MYO5A: variants seen among roughly 807,000 people sequenced by gnomAD.
MYO5A encodes the protein myosin VA, also known as unconventional myosin-Va.
MYO5A carries 98 observed loss-of-function variants against 249.7 expected under a neutral mutation model. The ratio of observed to expected loss-of-function variants is 0.39; its 90% CI spans 0.33 to 0.46. The LOEUF (loss-of-function observed/expected upper bound fraction) is 0.46, where lower values mean the gene tolerates loss of function less well. MYO5A is among the 20% of genes least tolerant of loss of function. The pLI is 0.98. For missense variants in MYO5A, 1,696 were observed against 2,308.8 expected (o/e 0.73, Z 5.44); for synonymous variants, 778 against 810.6 (o/e 0.96, Z 0.68).
chr15:52,467,240 C>T (rs1408240832), intron 1 of MYO5A, among the ~76,000 whole-genome samples: 1 of 152,042 alleles, frequency 6.6e-6, no homozygotes, highest in African/African-American at 2.4e-5. Context: ...TAAAGAAGCT[C>T]AATGAGATGC....
intron 1 of MYO5A, among the ~76,000 whole-genome samples, chr15:52,463,936 A>C (rs1249709759): frequency 1.3e-5 from 2 of 152,218 alleles, no homozygotes; most frequent in Non-Finnish European, 1.5e-5. Flanking sequence ...TCCCTTACTT[A>C]CAAAATAAAC....
At chr15:52,360,400 G>A (rs982434001) in intron 24 of MYO5A, among the ~76,000 whole-genome samples, 3 of 152,224 alleles carry the variant, frequency 2.0e-5, no homozygotes, top group Non-Finnish European at 4.4e-5. Flanking sequence ...AGTGCTCAGT[G>A]AAGCACTGGG....
At chr15:52,395,685 C>G (rs1054980278) in intron 11 of MYO5A, among the ~76,000 whole-genome samples, 1 of 152,278 alleles carries the variant, frequency 6.6e-6, no homozygotes, top group Middle Eastern at 3.4e-3. Context: ...TGCCCAAGGT[C>G]TCCTAGATAA....
chr15:52,382,900 C>G (rs2041816841), intron 16 of MYO5A, among the ~76,000 whole-genome samples, 191 bp downstream of exon 16: 1 of 152,200 alleles, frequency 6.6e-6, no homozygotes, highest in Non-Finnish European at 1.5e-5. Flanking sequence ...CTAATTTACT[C>G]TCACATTCTC....
chr15:52,489,234 C>T (rs1184080128), intron 1 of MYO5A, among the ~76,000 whole-genome samples: 1 of 152,112 alleles, frequency 6.6e-6, no homozygotes, highest in Non-Finnish European at 1.5e-5. Context: ...ACACCAGGAG[C>T]ACAGGCAATA....
chr15:52,488,062 G>A (rs770689864), intron 1 of MYO5A, among the ~76,000 whole-genome samples: 4 of 151,826 alleles, frequency 2.6e-5, no homozygotes, highest in Non-Finnish European at 4.4e-5. Context: ...TAGTACTTCT[G>A]TAGCAAAAAG....
At chr15:52,489,180 G>A (rs1394974219) in intron 1 of MYO5A, among the ~76,000 whole-genome samples, 1 of 152,168 alleles carries the variant, frequency 6.6e-6, no homozygotes, top group Non-Finnish European at 1.5e-5. Context: ...AATACAGGAG[G>A]AAAACTTCAT....
At chr15:52,355,704 C>T (rs996655195) in intron 25 of MYO5A, among the ~76,000 whole-genome samples, 3 of 151,926 alleles carry the variant, frequency 2.0e-5, no homozygotes, top group African/African-American at 7.3e-5. Flanking sequence ...CATAGCTTGT[C>T]TTAGGTATTA....
intron 37 of MYO5A, among the ~76,000 whole-genome samples, chr15:52,321,811 A>T (rs1596281368): frequency 6.6e-6 from 1 of 152,100 alleles, no homozygotes. Flanking sequence ...AAAAAAAAAA[A>T]AAAAATAGAG....
At chr15:52,519,771 C>G (rs2077576947) in intron 1 of MYO5A, among the ~76,000 whole-genome samples, 1 of 151,640 alleles carries the variant, frequency 6.6e-6, no homozygotes, top group Admixed American at 6.6e-5. Context: ...TGCTTTGTCG[C>G]CCAGGCTGGA....
intron 6 of MYO5A, among the ~76,000 whole-genome samples, chr15:52,408,948 C>T (rs948825277): frequency 6.6e-6 from 1 of 152,114 alleles, no homozygotes; most frequent in Non-Finnish European, 1.5e-5. Flanking sequence ...CATGATTAAA[C>T]AGGAGACCAG....
rs142304464 is a variant in MYO5A at position 52,339,117 on chromosome 15, G to A, written c.4239+1079C>T. ...ACCCTCCTCCCTCATTCCCATGGTG[G>A]AGCCTCATACAGACAGACTGTGAAA... On this transcript the variant is annotated intron_variant, in intron 32 of 41. Transcript: ENST00000399233. Among the ~76,000 whole-genome samples, 66 of 151,830 alleles carry A rather than the reference G, an allele frequency of 4.3e-4. 1 individual carries two copies. In the East Asian group the frequency reaches 7.1e-3, roughly 16 times the overall value.
chr15:52,329,538 C>T (rs1158449936), intron 35 of MYO5A, among the ~76,000 whole-genome samples: 1 of 152,094 alleles, frequency 6.6e-6, no homozygotes, highest in Admixed American at 6.6e-5. Context: ...GCTTCTTCCA[C>T]TCTCATCTCA....
At chr15:52,440,556 C>A (rs2075765425) in intron 1 of MYO5A, among the ~76,000 whole-genome samples, 1 of 152,220 alleles carries the variant, frequency 6.6e-6, no homozygotes, top group Non-Finnish European at 1.5e-5. Flanking sequence ...GCATGAGTCA[C>A]CGCACCTGGC....
In MYO5A at chr15:52,311,415, CA is replaced by C. The variant is rs1357878142; in HGVS notation, c.*2280del. On this transcript the variant is annotated 3_prime_UTR_variant, in exon 42 of 42. Coordinates refer to ENST00000399233, the MANE Select transcript of MYO5A (RefSeq NM_001382347.1). ...ACCAAATGGCTATGACTTAATTGTG[CA>C]TTGAAAACCGCATTGACAACCAGGA... 2.6e-5 allele frequency: 4 copies of C among 152,160 alleles called. No homozygotes were observed. Among genetic ancestry groups the C allele is most frequent in the Admixed American group, 2.6e-4 (4 of 15,284 alleles). 9.4% of individuals were successfully genotyped at this position (152,160 alleles called of 1,614,324 possible).
chr15:52,369,460 A>G (rs2141081511), intron 22 of MYO5A, among the ~76,000 whole-genome samples: 1 of 152,332 alleles, frequency 6.6e-6, no homozygotes, highest in Non-Finnish European at 1.5e-5. Context: ...TTCTATACTT[A>G]ATAAAGTTTT....
intron 2 of MYO5A, among the ~76,000 whole-genome samples, chr15:52,430,450 T>G (rs1412838017): frequency 1.3e-5 from 2 of 152,218 alleles, no homozygotes; most frequent in Non-Finnish European, 2.9e-5. Context: ...AGGCTTTAAA[T>G]GGACATAAAC....
At chr15:52,476,219 CTTT>C (rs202003855) in intron 1 of MYO5A, among the ~76,000 whole-genome samples, 1 of 150,916 alleles carries the variant, frequency 6.6e-6, no homozygotes, top group African/African-American at 2.4e-5. Flanking sequence ...CAACCCCTGC[CTTT>C]TTTTTTGTTT....
At chr15:52,315,957 G>A (rs910345894) in intron 40 of MYO5A, among the ~76,000 whole-genome samples, 4 of 152,124 alleles carry the variant, frequency 2.6e-5, no homozygotes, top group African/African-American at 9.7e-5. Context: ...AAAGTTGGCT[G>A]GGCACTGTGG....
Sources: gnomAD v4.1 joint callset for allele counts (sites outside exome capture counted in the v4.1 genomes callset) on GRCh38, gnomAD v4.1.1 for gene constraint, MANE v1.5 for transcripts, NCBI Gene and HGNC (gene_info 2026-07-23, HGNC 2026-07-21) for gene names.